Variants in PRKN observed in about 807,000 individuals in gnomAD.
PRKN encodes the protein parkin RBR E3 ubiquitin protein ligase.
In PRKN, 56 loss-of-function variants were observed where a neutral mutation model predicts 59.5. That is an observed-to-expected ratio of 0.94 (90% CI 0.76 to 1.18). The LOEUF is 1.18. Among genes scored for constraint, PRKN ranks in the 50% most tolerant of loss-of-function variants. The probability of loss-of-function intolerance (pLI) is 0.00; values close to 1 mark genes in which losing one functional copy is unlikely to be tolerated. For missense variants in PRKN, 657 were observed against 596.4 expected (o/e 1.10, Z -1.06); for synonymous variants, 250 against 222.1 (o/e 1.13, Z -1.12).
intron 6 of PRKN, among the ~76,000 whole-genome samples, chr6:161,882,481 C>G (rs59080739): frequency 0.2 from 30,358 of 152,104 alleles, 3,265 homozygotes; most frequent in East Asian, 0.35. Flanking sequence ...AGCACTCCCA[C>G]AATGAGCTCA....
intron 4 of PRKN, among the ~76,000 whole-genome samples, chr6:162,169,949 G>A (rs942896824): frequency 1.3e-5 from 2 of 152,258 alleles, no homozygotes; most frequent in Middle Eastern, 3.4e-3. Flanking sequence ...CGTGATGGGG[G>A]AAGAAAGCGA....
chr6:162,648,467 C>T (rs964835805), intron 1 of PRKN, among the ~76,000 whole-genome samples: 27 of 151,326 alleles, frequency 1.8e-4, no homozygotes, highest in Non-Finnish European at 3.2e-4. Context: ...CTGCAACCTC[C>T]GCCCGCCGGG....
chr6:162,440,596 T>C (rs1790005398), intron 2 of PRKN, among the ~76,000 whole-genome samples: 1 of 152,122 alleles, frequency 6.6e-6, no homozygotes. Context: ...GATAAGCTAA[T>C]ATATATGTTC....
chr6:161,854,574 A>T (rs1793567730), intron 6 of PRKN, among the ~76,000 whole-genome samples: 2 of 152,144 alleles, frequency 1.3e-5, no homozygotes, highest in South Asian at 4.1e-4. Flanking sequence ...CCTACATATA[A>T]CTGCACTTAC....
At chr6:162,121,996 A>G (rs1235091411) in intron 4 of PRKN, among the ~76,000 whole-genome samples, 1 of 152,188 alleles carries the variant, frequency 6.6e-6, no homozygotes, top group Non-Finnish European at 1.5e-5. Flanking sequence ...AGGGGCTTGG[A>G]AAGAATGGGA....
intron 4 of PRKN, among the ~76,000 whole-genome samples, chr6:162,153,476 T>C (rs1197304085): frequency 1.3e-5 from 2 of 152,184 alleles, no homozygotes; most frequent in Admixed American, 1.3e-4. Flanking sequence ...TGTTATCAGT[T>C]CAGCGGGCCC....
intron 4 of PRKN, among the ~76,000 whole-genome samples, chr6:162,110,320 G>A (rs551197866): frequency 1.3e-5 from 2 of 152,164 alleles, no homozygotes; most frequent in East Asian, 3.9e-4. Context: ...CAAAAACATT[G>A]GTAGCAACGT....
At chr6:161,889,636 G>C (rs57490946) in intron 6 of PRKN, among the ~76,000 whole-genome samples, 32 of 152,288 alleles carry the variant, frequency 2.1e-4, no homozygotes, top group African/African-American at 7.5e-4. Context: ...TTGAATCCTG[G>C]TTATGCCGGT....
chr6:161,811,309 A>T lies in PRKN; in HGVS notation c.735-25401T>A, dbSNP rs1028336174. On this transcript the variant is annotated intron_variant, in intron 6 of 11. Coordinates refer to ENST00000366898, the MANE Select transcript of PRKN (RefSeq NM_004562.3). ...TGTCCTTTAGTTTCTCAAAAAAAAA[A>T]TTGTTTAATTTTCTAGTTCACCTGG... 7.2e-5 allele frequency among the ~76,000 whole-genome samples: 11 copies of T among 152,270 alleles called. 1 individual carries two copies. The highest frequency in any genetic ancestry group is 6.5e-4 in the Admixed American group (10 of 15,304).
rs1784859304 is a variant in PRKN, at chr6:162,204,692, G to A, written c.413-3440C>T. Reference sequence around the variant, plus strand: ...TGTAATGATTTTGCAAATAAAGTATGTTAATTTTATTCAGAAGTTTTGTTT... The same window carrying A: ...TGTAATGATTTTGCAAATAAAGTATATTAATTTTATTCAGAAGTTTTGTTT... On this transcript the variant is annotated intron_variant, in intron 3 of 11. Coordinates refer to ENST00000366898, the MANE Select transcript of PRKN (RefSeq NM_004562.3). Among the ~76,000 whole-genome samples, 2 of 146,308 alleles carry A rather than the reference G, an allele frequency of 1.4e-5. 1 individual carries two copies. Among genetic ancestry groups the A allele is most frequent in the Non-Finnish European group, 3.0e-5 (2 of 66,778 alleles).
intron 9 of PRKN, among the ~76,000 whole-genome samples, chr6:161,495,932 C>A (rs761224872): frequency 2.6e-4 from 39 of 152,258 alleles, no homozygotes; most frequent in African/African-American, 8.9e-4. Context: ...ACCATGGCAC[C>A]CTGAGCTTCC....
intron 1 of PRKN, among the ~76,000 whole-genome samples, chr6:162,601,146 C>T (rs560904775): frequency 2.3e-4 from 35 of 152,196 alleles, no homozygotes; most frequent in Non-Finnish European, 5.0e-4. Context: ...GAAGGGCACA[C>T]ATGTCAAGAG....
intron 6 of PRKN, among the ~76,000 whole-genome samples, chr6:161,943,669 GGTGAGGCATCAGCCTGAGGAAATAC>G (rs1375010331): frequency 1.3e-5 from 2 of 149,744 alleles, no homozygotes; most frequent in Non-Finnish European, 3.0e-5. Flanking sequence ...TGAGGAATCA[GGTGAGGCATCAGCCTGAGGAAATAC>G]CCTGAGGGAT....
chr6:162,384,647 T>TAAAAAAAAAAAAAAAAAAAAA (rs774251208), intron 2 of PRKN, among the ~76,000 whole-genome samples: 1 of 93,436 alleles, frequency 1.1e-5, no homozygotes. Flanking sequence ...CTTCAATTTG[T>TAAAAAAAAAAAAAAAAAAAAA]AAAAAAAAAA....
chr6:162,159,919 C>A (rs1353167001), intron 4 of PRKN, among the ~76,000 whole-genome samples: 1 of 152,132 alleles, frequency 6.6e-6, no homozygotes, highest in South Asian at 2.1e-4. Flanking sequence ...TACCTTGTAA[C>A]ATTTTTCATA....
intron 3 of PRKN, among the ~76,000 whole-genome samples, chr6:162,248,161 G>C (rs538072299): frequency 1.1e-3 from 162 of 152,218 alleles, no homozygotes; most frequent in Non-Finnish European, 1.7e-3. Context: ...TCAGAAGGAC[G>C]CTCAGCCTTC....
Position 161,518,529 on chromosome 6 carries a change from C to A in PRKN, c.1083+30325G>T, listed in dbSNP as rs531449. On this transcript the variant is annotated intron_variant, in intron 9 of 11. Coordinates refer to ENST00000366898, the MANE Select transcript of PRKN (RefSeq NM_004562.3). This position sits in a 1 kb window ranked among gnomAD's most constrained non-coding sequence, Gnocchi z 5.0. ...GCAATCCCAGGGCTCTGGGTGAGAG[C>A]TGAACCGAGGCTCACATCTGCCCTT... Among the ~76,000 whole-genome samples, 7 of 151,682 alleles carry A rather than the reference C, an allele frequency of 4.6e-5. No individual in the cohort carries two copies. Among genetic ancestry groups the A allele is most frequent in the East Asian group, 1.9e-4 (1 of 5,148 alleles).
rs144888513 is a variant in PRKN at position 162,413,711 on chromosome 6, C to T, written c.171+29599G>A. Among the ~76,000 whole-genome samples the T allele has an allele frequency of 2.4e-4, 37 of 152,262 alleles. No individual in the cohort carries two copies. In the East Asian group the frequency reaches 6.4e-3, roughly 26 times the overall value. On this transcript the variant is annotated intron_variant, in intron 2 of 11. Coordinates refer to ENST00000366898, the MANE Select transcript of PRKN (RefSeq NM_004562.3). ...ATTAAATTAAAAGTTTCAACATTTC[C>T]AGTCATGTTATTCTTTCATGTTTTT...
intron 3 of PRKN, among the ~76,000 whole-genome samples, chr6:162,238,639 A>C (rs561885438): frequency 1.4e-4 from 21 of 152,300 alleles, no homozygotes; most frequent in African/African-American, 4.8e-4. Context: ...CTGGGCCAGG[A>C]CCCACTACCT....
Sources: gnomAD v4.1 joint callset for allele counts (sites outside exome capture counted in the v4.1 genomes callset) on GRCh38, gnomAD v4.1.1 for gene constraint, Gnocchi (gnomAD v3.1) non-coding constraint, MANE v1.5 for transcripts, NCBI Gene and HGNC (gene_info 2026-07-23, HGNC 2026-07-21) for gene names.